The following ZNF804A variants were observed in gnomAD, a reference collection of about 807,000 sequenced individuals.
ZNF804A encodes zinc finger protein 804A.
Under a neutral mutation model 16.5 loss-of-function variants are expected in ZNF804A, and 2 were observed. The ratio of observed to expected loss-of-function variants is 0.12; its 90% CI spans 0.05 to 0.38. ZNF804A has a LOEUF of 0.38. Among genes scored for constraint, ZNF804A ranks in the 10% least tolerant of loss-of-function variants. ZNF804A has a pLI of 0.99. For missense variants in ZNF804A, 1,473 were observed against 1,390.7 expected (o/e 1.06, Z -0.94); for synonymous variants, 534 against 489.6 (o/e 1.09, Z -1.20).
At chr2:184,697,240 G>C (rs951564034) in intron 1 of ZNF804A, among the ~76,000 whole-genome samples, 2 of 152,008 alleles carry the variant, frequency 1.3e-5, no homozygotes, top group Non-Finnish European at 2.9e-5. Flanking sequence ...TAGAACTTGT[G>C]GGATTTGTGA....
chr2:184,867,932 T>A (rs567971064), intron 2 of ZNF804A, among the ~76,000 whole-genome samples: 10 of 152,222 alleles, frequency 6.6e-5, no homozygotes, highest in African/African-American at 2.4e-4. Flanking sequence ...ATGTGTGTTA[T>A]AAGAATATCT....
At chr2:184,799,772 G>A (rs1236453656) in intron 1 of ZNF804A, among the ~76,000 whole-genome samples, 1 of 152,038 alleles carries the variant, frequency 6.6e-6, no homozygotes, top group Non-Finnish European at 1.5e-5. Context: ...TCGAACTCCT[G>A]AGCTCAAGCC....
Position 184,726,934 on chromosome 2 carries a change from A to G in ZNF804A, c.111+127864A>G, listed in dbSNP as rs143931113. Among the ~76,000 whole-genome samples, 982 of 151,748 alleles carry G rather than the reference A, an allele frequency of 6.5e-3. 15 individuals are homozygous for G. The highest frequency in any genetic ancestry group is 0.022 in the African/African-American group (914 of 41,530). ...TTAGTATAATGCATGTTAATACAGC[A>G]TAATAATAGTAAAATTTAGAAGTTG... On this transcript the variant is annotated intron_variant, in intron 1 of 3. Coordinates refer to ENST00000302277, the MANE Select transcript of ZNF804A (RefSeq NM_194250.2).
intron 1 of ZNF804A, among the ~76,000 whole-genome samples, chr2:184,804,161 G>T (rs1694766749): frequency 6.6e-6 from 1 of 152,102 alleles, no homozygotes; most frequent in Non-Finnish European, 1.5e-5. Context: ...ACCGTGCCTG[G>T]CCTCTTCTGT....
At chr2:184,839,121 A>C (rs1232478090) in intron 1 of ZNF804A, among the ~76,000 whole-genome samples, 1 of 151,978 alleles carries the variant, frequency 6.6e-6, no homozygotes, top group African/African-American at 2.4e-5. Flanking sequence ...AGTACTTTGA[A>C]AGACAAAGAA....
At chr2:184,832,596 G>A (rs552932901) in intron 1 of ZNF804A, among the ~76,000 whole-genome samples, 1 of 151,640 alleles carries the variant, frequency 6.6e-6, no homozygotes, top group Non-Finnish European at 1.5e-5. Flanking sequence ...CCAGTTTATA[G>A]CATGTTTTTA....
At position 184,936,500 on chromosome 2, in the gene ZNF804A, T is replaced by C; in HGVS notation, c.1104T>C (p.Asp368=). Residue 368 remains aspartate, a synonymous_variant, in exon 4 of 4, where the codon GAT becomes GAC. Transcript: ENST00000302277. The part of the protein sequence containing the change: ...NKSTVLDMSN[D]CISVQATTEE... ...CCACAGTTCTTGACATGTCTAATGA[T>C]TGCATATCTGTGCAAGCTACCACAG... 1 of 1,613,926 alleles carries C rather than the reference T, an allele frequency of 6.2e-7. No individual in the cohort carries two copies. The highest frequency in any genetic ancestry group is 1.3e-5 in the African/African-American group (1 of 75,038).
chr2:184,725,519 T>C (rs1438996185), intron 1 of ZNF804A, among the ~76,000 whole-genome samples: 1 of 151,648 alleles, frequency 6.6e-6, no homozygotes, highest in East Asian at 1.9e-4. Flanking sequence ...GAAACTTTCA[T>C]TTAGGAATAT....
At chr2:184,712,815 T>C (rs967185231) in intron 1 of ZNF804A, among the ~76,000 whole-genome samples, 2 of 151,708 alleles carry the variant, frequency 1.3e-5, no homozygotes, top group Non-Finnish European at 3.0e-5. Flanking sequence ...CTAGGAAATT[T>C]TTCAGTTTAG....
chr2:184,681,411 A>G (rs1009438136), intron 1 of ZNF804A, among the ~76,000 whole-genome samples: 1 of 152,254 alleles, frequency 6.6e-6, no homozygotes, highest in Non-Finnish European at 1.5e-5. Context: ...AACCAGAAAG[A>G]GCTGATATCA....
chr2:184,746,131 A>T (rs1355768255), intron 1 of ZNF804A, among the ~76,000 whole-genome samples: 1 of 151,574 alleles, frequency 6.6e-6, no homozygotes, highest in Admixed American at 6.6e-5. Flanking sequence ...ATTTGATAAA[A>T]TCTGGATATG....
At chr2:184,747,994 C>A (rs956858342) in intron 1 of ZNF804A, among the ~76,000 whole-genome samples, 1 of 150,356 alleles carries the variant, frequency 6.7e-6, no homozygotes, top group Non-Finnish European at 1.5e-5. Flanking sequence ...TTTTTTATGG[C>A]TCCATATGTA....
chr2:184,709,575 T>C (rs1574173785), intron 1 of ZNF804A, among the ~76,000 whole-genome samples: 1 of 151,838 alleles, frequency 6.6e-6, no homozygotes, highest in Middle Eastern at 3.4e-3. Context: ...AGTTTGCACA[T>C]GAGTGTAGAG....
intron 2 of ZNF804A, among the ~76,000 whole-genome samples, chr2:184,924,492 T>C (rs1685577884): frequency 6.6e-6 from 1 of 151,736 alleles, no homozygotes; most frequent in Non-Finnish European, 1.5e-5. Flanking sequence ...TTTGTTTAAC[T>C]TTTTAAAAAA....
intron 1 of ZNF804A, among the ~76,000 whole-genome samples, chr2:184,842,888 T>C (rs1558979138): frequency 6.6e-6 from 1 of 152,168 alleles, no homozygotes; most frequent in Non-Finnish European, 1.5e-5. Context: ...GGAGGATAAT[T>C]CAGACAGTGA....
At chr2:184,743,162 A>G (rs1693734257) in intron 1 of ZNF804A, among the ~76,000 whole-genome samples, 1 of 152,106 alleles carries the variant, frequency 6.6e-6, no homozygotes, top group Admixed American at 6.6e-5. Context: ...TCCCCTTTGG[A>G]GATCGCCAGA....
chr2:184,724,286 G>A (rs7569229), intron 1 of ZNF804A, among the ~76,000 whole-genome samples: 21,643 of 151,582 alleles, frequency 0.14, 1,680 homozygotes, highest in Middle Eastern at 0.24. Flanking sequence ...ATGAAGTACC[G>A]CATGTAGAAT....
chr2:184,599,833 T>C (rs1383241138), intron 1 of ZNF804A, among the ~76,000 whole-genome samples: 1 of 152,076 alleles, frequency 6.6e-6, no homozygotes, highest in Non-Finnish European at 1.5e-5. Context: ...GTACTGAGCA[T>C]TGAGATAGTG....
chr2:184,623,720 C>G (rs1559110885), intron 1 of ZNF804A, among the ~76,000 whole-genome samples: 1 of 152,100 alleles, frequency 6.6e-6, no homozygotes, highest in Non-Finnish European at 1.5e-5. Flanking sequence ...TTGCACTGAC[C>G]ACAATCTTTA....
Sources: allele counts gnomAD v4.1 joint callset (sites outside exome capture counted in the v4.1 genomes callset), GRCh38; gene constraint gnomAD v4.1.1; transcripts MANE v1.5; gene names NCBI Gene and HGNC (gene_info 2026-07-23, HGNC 2026-07-21).